The following CDH12 variants were observed in gnomAD, a reference collection of about 807,000 sequenced individuals.
CDH12 encodes the protein cadherin-12.
Under a neutral mutation model 74.1 loss-of-function variants are expected in CDH12, and 41 were observed. The ratio of observed to expected loss-of-function variants is 0.55; its 90% CI spans 0.43 to 0.72. CDH12 has a LOEUF of 0.72. CDH12 is among the 30% of genes least tolerant of loss of function. The probability of loss-of-function intolerance (pLI) is 0.00; values close to 1 mark genes in which losing one functional copy is unlikely to be tolerated. For synonymous variants in CDH12, 399 were observed against 355.0 expected, an observed-to-expected ratio of 1.12 and a Z score of -1.39; for missense variants, 945 against 977.2, an observed-to-expected ratio of 0.97 and a Z score of 0.44.
chr5:22,107,238 T>A (rs111714388), intron 4 of CDH12, among the ~76,000 whole-genome samples: 2,035 of 151,900 alleles, frequency 0.013, 53 homozygotes, highest in African/African-American at 0.047. Context: ...GTTCAAGCAA[T>A]TCTCCTGCCT....
intron 6 of CDH12, among the ~76,000 whole-genome samples, chr5:21,887,809 G>A (rs1323617292): frequency 6.6e-6 from 1 of 152,056 alleles, no homozygotes; most frequent in East Asian, 1.9e-4. Context: ...CATAGTCAGG[G>A]CCCGGGTAAT....
chr5:22,003,310 G>T (rs373295032), intron 5 of CDH12, among the ~76,000 whole-genome samples: 4 of 152,280 alleles, frequency 2.6e-5, no homozygotes. Context: ...AGTTAATGAA[G>T]TCATCTGTCA....
At chr5:22,054,028 G>GC (rs1554004590) in intron 5 of CDH12, among the ~76,000 whole-genome samples, 9 of 150,792 alleles carry the variant, frequency 6.0e-5, no homozygotes, top group Non-Finnish European at 1.3e-4. Flanking sequence ...AACACGACTT[G>GC]TTTTTTTTTA....
At chr5:22,806,101 T>G (rs900086608) in intron 1 of CDH12, among the ~76,000 whole-genome samples, 15 of 152,304 alleles carry the variant, frequency 9.8e-5, no homozygotes, top group Non-Finnish European at 1.6e-4. Flanking sequence ...CTATTGTGAA[T>G]AGTGCCACAA....
At chr5:22,795,256 C>T (rs781472677) in intron 1 of CDH12, among the ~76,000 whole-genome samples, 19 of 152,054 alleles carry the variant, frequency 1.2e-4, no homozygotes, top group South Asian at 6.2e-4. Flanking sequence ...CAAGAGATGA[C>T]GATGGGAGTG....
chr5:22,390,905 G>T (rs1379503447), intron 3 of CDH12, among the ~76,000 whole-genome samples: 1 of 152,048 alleles, frequency 6.6e-6, no homozygotes, highest in African/African-American at 2.4e-5. Context: ...TAAAATCCTT[G>T]CTCAGATGTT....
At chr5:22,236,233 T>G (rs72742035) in intron 3 of CDH12, among the ~76,000 whole-genome samples, 10,335 of 152,304 alleles carry the variant, frequency 0.068, 462 homozygotes, top group South Asian at 0.12. Flanking sequence ...CTAAATATTC[T>G]TCTTCTTTAA....
chr5:22,755,946 T>C (rs1745876158), intron 1 of CDH12, among the ~76,000 whole-genome samples: 1 of 151,772 alleles, frequency 6.6e-6, no homozygotes, highest in Admixed American at 6.6e-5. Flanking sequence ...TTACATACTT[T>C]GCTTTTATTA....
intron 11 of CDH12, among the ~76,000 whole-genome samples, chr5:21,766,754 C>T (rs371105083): frequency 3.9e-5 from 6 of 151,978 alleles, no homozygotes; most frequent in Non-Finnish European, 1.5e-5. Context: ...TTACAAACAA[C>T]AGCAATGCCT....
At chr5:21,774,809 T>C (rs1367141573) in intron 11 of CDH12, among the ~76,000 whole-genome samples, 1 of 152,196 alleles carries the variant, frequency 6.6e-6, no homozygotes, top group Non-Finnish European at 1.5e-5. Flanking sequence ...CAATTTGGAA[T>C]TGAAACCAAT....
intron 2 of CDH12, among the ~76,000 whole-genome samples, chr5:22,480,156 G>T (rs1746328152): frequency 6.6e-6 from 1 of 151,870 alleles, no homozygotes; most frequent in Non-Finnish European, 1.5e-5. Context: ...AAACACATAG[G>T]CTTCAAGATA....
intron 3 of CDH12, among the ~76,000 whole-genome samples, chr5:22,280,167 A>C (rs1308212811): frequency 6.6e-6 from 1 of 152,110 alleles, no homozygotes; most frequent in African/African-American, 2.4e-5. Context: ...TGGCTGCATA[A>C]ATGTCTTCTT....
intron 1 of CDH12, among the ~76,000 whole-genome samples, chr5:22,739,051 T>C (rs1005848814): frequency 1.3e-5 from 2 of 152,066 alleles, no homozygotes; most frequent in African/African-American, 2.4e-5. Flanking sequence ...CATTATTCCA[T>C]ATATGTCTTT....
At chr5:21,832,974 AAT>A (rs1188829999) in intron 8 of CDH12, among the ~76,000 whole-genome samples, 7 of 95,628 alleles carry the variant, frequency 7.3e-5, no homozygotes, top group Non-Finnish European at 9.4e-5. Context: ...TATATGATAT[AAT>A]ATATATAATA....
At chr5:22,142,641 T>TGC in intron 4 of CDH12, 1 of 404,870 alleles carries the variant, frequency 2.5e-6, no homozygotes. Context: ...AACTCTGAGT[T>TGC]TAAGCAAATT....
At chr5:22,400,116 G>A (rs1261394) in intron 3 of CDH12, among the ~76,000 whole-genome samples, 6,281 of 152,120 alleles carry the variant, frequency 0.041, 294 homozygotes, top group East Asian at 0.12. Flanking sequence ...CCCCTTTCTA[G>A]TGGTTAGATA....
intron 3 of CDH12, among the ~76,000 whole-genome samples, chr5:22,244,103 T>C (rs779166961): frequency 5.3e-5 from 8 of 151,506 alleles, no homozygotes; most frequent in Non-Finnish European, 1.0e-4. Context: ...CAAAAAAAAA[T>C]GCATCCCTAA....
At chr5:21,773,635 A>G (rs899749239) in intron 11 of CDH12, among the ~76,000 whole-genome samples, 1 of 152,136 alleles carries the variant, frequency 6.6e-6, no homozygotes, top group Non-Finnish European at 1.5e-5. Flanking sequence ...CTGGCTCCTC[A>G]TCTTGCAGAT....
At chr5:22,294,299 C>T (rs1204551481) in intron 3 of CDH12, among the ~76,000 whole-genome samples, 1 of 151,988 alleles carries the variant, frequency 6.6e-6, no homozygotes, top group Non-Finnish European at 1.5e-5. Context: ...ATCTAAGAGG[C>T]TGAAGAAAGG....
Sources: gnomAD v4.1 joint callset for allele counts (sites outside exome capture counted in the v4.1 genomes callset) on GRCh38, gnomAD v4.1.1 for gene constraint, MANE v1.5 for transcripts, NCBI Gene and HGNC (gene_info 2026-07-23, HGNC 2026-07-21) for gene names.